The following CUX2 variants were observed in gnomAD, a reference collection of about 807,000 sequenced individuals.
The protein encoded by CUX2 is homeobox protein cut-like 2.
A neutral mutation model predicts 144.8 loss-of-function variants in CUX2; 40 were observed. The observed-to-expected ratio is 0.28, with a 90% CI of 0.21 to 0.36. The LOEUF (loss-of-function observed/expected upper bound fraction) is 0.36, where lower values mean the gene tolerates loss of function less well. CUX2 is among the 10% of genes least tolerant of loss of function. The pLI is 1.00. For synonymous variants in CUX2, 827 were observed against 875.6 expected (o/e 0.94, Z 0.98); for missense variants, 1,615 against 1,994.0 (o/e 0.81, Z 3.62).
chr12:111,302,989 A>G (rs944180585), intron 9 of CUX2, among the ~76,000 whole-genome samples: 1 of 152,000 alleles, frequency 6.6e-6, no homozygotes, highest in African/African-American at 2.4e-5. Context: ...TGGGAAGCCA[A>G]GGCAAGTGGG....
At chr12:111,102,601 A>G (rs1873325905) in intron 1 of CUX2, among the ~76,000 whole-genome samples, 1 of 152,228 alleles carries the variant, frequency 6.6e-6, no homozygotes, top group South Asian at 2.1e-4. Context: ...AACAGCTTGC[A>G]TGCATGATCT....
rs1885540644 is a variant in CUX2, at chr12:111,289,009, G to T, written c.302-2409G>T. On this transcript the variant is annotated intron_variant, in intron 4 of 21. Transcript: ENST00000261726. The surrounding 1 kb of genome is among the most constrained non-coding windows in gnomAD (Gnocchi z 4.1). ...GTGGTCGCACACACCTGGAATCCCA[G>T]CTACTCGGGAGGCTGAGTCAGGAAC... is the stretch of plus-strand genomic sequence containing the variant. Among the ~76,000 whole-genome samples the T allele has an allele frequency of 6.6e-6, 1 of 152,044 alleles. No individual in the cohort carries two copies. Among genetic ancestry groups the T allele is most frequent in the Non-Finnish European group, 1.5e-5 (1 of 68,030 alleles).
At chr12:111,133,483 A>G (rs961197722) in intron 1 of CUX2, among the ~76,000 whole-genome samples, 4 of 152,212 alleles carry the variant, frequency 2.6e-5, no homozygotes, top group Non-Finnish European at 4.4e-5. Context: ...GAAACCCCTG[A>G]TAAACTCATC....
chr12:111,316,393 G>A (rs1366014138), intron 16 of CUX2, among the ~76,000 whole-genome samples: 8 of 146,728 alleles, frequency 5.5e-5, no homozygotes, highest in Admixed American at 2.1e-4. Flanking sequence ...TGATCCGCCT[G>A]CCTCAACCTC....
At chr12:111,218,936 A>G (rs1263130058) in intron 3 of CUX2, among the ~76,000 whole-genome samples, 5 of 141,664 alleles carry the variant, frequency 3.5e-5, no homozygotes, top group African/African-American at 1.3e-4. Context: ...TCTGGCTGGC[A>G]CAGGAGGCAG....
At chr12:111,238,766 C>T (rs866784838) in intron 3 of CUX2, among the ~76,000 whole-genome samples, 2 of 152,164 alleles carry the variant, frequency 1.3e-5, no homozygotes, top group South Asian at 4.1e-4. Context: ...TGGCTCTGGC[C>T]AGGCATGGTG....
chr12:111,160,362 T>C lies in CUX2; in HGVS notation c.64-53838T>C, dbSNP rs1315119945. 6.6e-6 allele frequency among the ~76,000 whole-genome samples: 1 copy of C among 151,314 alleles called. No homozygotes were observed. The highest frequency in any genetic ancestry group is 2.4e-5 in the African/African-American group (1 of 41,116). On this transcript the variant is annotated intron_variant, in intron 1 of 21. Coordinates refer to ENST00000261726, the MANE Select transcript of CUX2 (RefSeq NM_015267.4). The surrounding 1 kb of genome is among the most constrained non-coding windows in gnomAD (Gnocchi z 4.1). Reference sequence around the variant, plus strand: ...TGTGTGTGCAGGGTGCGTGTCAGAGTGTGTATGGGCAAGCATGTGTGTGCG... The same window carrying C: ...TGTGTGTGCAGGGTGCGTGTCAGAGCGTGTATGGGCAAGCATGTGTGTGCG...
At chr12:111,167,526 C>T (rs986768979) in intron 1 of CUX2, among the ~76,000 whole-genome samples, 1 of 152,142 alleles carries the variant, frequency 6.6e-6, no homozygotes, top group Admixed American at 6.6e-5. Context: ...TAGAAGGGAC[C>T]GAGTCACTTC....
At chr12:111,218,607 A>G (rs1881680898) in intron 3 of CUX2, among the ~76,000 whole-genome samples, 1 of 152,190 alleles carries the variant, frequency 6.6e-6, no homozygotes, top group African/African-American at 2.4e-5. Context: ...TTTTAAAATC[A>G]GAGGTTGGTA....
chr12:111,095,406 C>T (rs1248078386), intron 1 of CUX2, among the ~76,000 whole-genome samples: 2 of 152,042 alleles, frequency 1.3e-5, no homozygotes, highest in Non-Finnish European at 2.9e-5. Context: ...CTGCAGTGAG[C>T]TGTGATTGTA....
At chr12:111,330,722 T>TATATATACATATACATATAC (rs1888073313) in intron 18 of CUX2, among the ~76,000 whole-genome samples, 2 of 51,578 alleles carry the variant, frequency 3.9e-5, no homozygotes, top group African/African-American at 2.1e-4. Context: ...TATATATATA[T>TATATATACATATACATATAC]ATATATATAT....
chr12:111,307,072 A>T lies in CUX2; in HGVS notation c.1010A>T (p.Asp337Val). ...GAGGCATCCGCCAACCAGATCGCCG[A>T]CCTGGAGCGGCAGCTCACGGCCAAG... ...LEEASANQIA[D>V]LERQLTAKSE... is the part of the protein sequence containing the mutation. The change falls in exon 11 of 22, where the codon GAC (aspartate) becomes GTC (valine). Residue 337 changes from aspartate (D) to valine (V), a missense_variant. Asp to Val is a radical substitution (Grantham distance 152). This residue lies in a region of CUX2 where 295 missense variants were observed against 400.2 expected (regional missense o/e 0.74). Transcript: ENST00000261726. This position sits in a 1 kb window ranked among gnomAD's most constrained non-coding sequence, Gnocchi z 4.1. The T allele has an allele frequency of 6.2e-7, 1 of 1,613,246 alleles. No individual in the cohort carries two copies. Among genetic ancestry groups the T allele is most frequent in the South Asian group, 1.1e-5 (1 of 91,052 alleles).
chr12:111,111,852 A>T (rs1873985485), intron 1 of CUX2, among the ~76,000 whole-genome samples: 1 of 138,510 alleles, frequency 7.2e-6, no homozygotes, highest in Non-Finnish European at 1.5e-5. Context: ...ATTTGCCTTT[A>T]AAAAAAAAAG....
chr12:111,130,474 C>T (rs1040912138), intron 1 of CUX2, among the ~76,000 whole-genome samples: 1 of 152,234 alleles, frequency 6.6e-6, no homozygotes, highest in African/African-American at 2.4e-5. Flanking sequence ...TGGCCCCTCC[C>T]ACTCTGGGAT....
At chr12:111,280,028 A>T (rs917065636) in intron 4 of CUX2, among the ~76,000 whole-genome samples, 2 of 152,150 alleles carry the variant, frequency 1.3e-5, no homozygotes, top group Non-Finnish European at 2.9e-5. Flanking sequence ...TCGTGCCTAT[A>T]ATCCCAGCAC....
chr12:111,249,445 GTTTT>G (rs58383341), intron 3 of CUX2, among the ~76,000 whole-genome samples: 1 of 63,366 alleles, frequency 1.6e-5, no homozygotes, highest in Non-Finnish European at 3.2e-5. Context: ...CCCTTTTTTT[GTTTT>G]TTTTTTTTTT....
At chr12:111,101,312 G>T (rs775406455) in intron 1 of CUX2, among the ~76,000 whole-genome samples, 6 of 152,074 alleles carry the variant, frequency 3.9e-5, no homozygotes, top group Non-Finnish European at 8.8e-5. Flanking sequence ...GACTGTCAGG[G>T]TCCCCCAGAT....
intron 21 of CUX2, 120 bp from the exon 22 acceptor site, chr12:111,347,404 G>A: frequency 2.3e-6 from 2 of 858,532 alleles, no homozygotes; most frequent in African/African-American, 1.7e-5. Flanking sequence ...CAAGTATGGA[G>A]GCTTAGTGCC....
At chr12:111,081,251 G>C (rs1871870769) in intron 1 of CUX2, among the ~76,000 whole-genome samples, 1 of 152,184 alleles carries the variant, frequency 6.6e-6, no homozygotes, top group Non-Finnish European at 1.5e-5. Context: ...GCTTTCTCGA[G>C]CGGTGTCTCA....
Sources: allele counts gnomAD v4.1 joint callset (sites outside exome capture counted in the v4.1 genomes callset), GRCh38; gene constraint gnomAD v4.1.1; regional missense constraint gnomAD v4.1.1; non-coding constraint Gnocchi (gnomAD v3.1); transcripts MANE v1.5; gene names NCBI Gene and HGNC (gene_info 2026-07-23, HGNC 2026-07-21).